The following SLIT2 variants were observed in gnomAD, a reference collection of about 807,000 sequenced individuals.
SLIT2 encodes slit homolog 2 protein.
A neutral mutation model predicts 185.7 loss-of-function variants in SLIT2; 41 were observed. The ratio of observed to expected loss-of-function variants is 0.22; its 90% CI spans 0.17 to 0.29. The LOEUF (loss-of-function observed/expected upper bound fraction) is 0.29. Ranked by LOEUF, SLIT2 falls within the 10% of genes least tolerant of loss-of-function variation. SLIT2 has a pLI of 1.00. For missense variants in SLIT2, 1,571 were observed against 1,909.0 expected (o/e 0.82, Z 3.30); for synonymous variants, 693 against 680.2 (o/e 1.02, Z -0.29).
chr4:20,472,385 T>TATCTCTATATATATA (rs1560453709), intron 5 of SLIT2, among the ~76,000 whole-genome samples: 9 of 39,262 alleles, frequency 2.3e-4, no homozygotes, highest in African/African-American at 2.8e-4. Flanking sequence ...TCTATATATA[T>TATCTCTATATATATA]GTAGATATAT....
chr4:20,383,870 T>A (rs558872089), intron 4 of SLIT2, among the ~76,000 whole-genome samples: 1 of 152,150 alleles, frequency 6.6e-6, no homozygotes, highest in South Asian at 2.1e-4. Context: ...GCCTGGCTAA[T>A]TTTTTTAGTA....
At position 20,382,399 on chromosome 4, in the gene SLIT2, C is replaced by G. The variant is rs575798554; in HGVS notation, c.396-85353C>G. ...CTTGAAAAAGAAGCAGTAGAGCCTTCTAACATGATCGTTTTTGTAGAAAAT... is the reference window on the plus strand; with the variant it reads ...CTTGAAAAAGAAGCAGTAGAGCCTTGTAACATGATCGTTTTTGTAGAAAAT... On this transcript the variant is annotated intron_variant, in intron 4 of 36. Coordinates refer to ENST00000504154, the MANE Select transcript of SLIT2 (RefSeq NM_004787.4). 5.7e-4 allele frequency among the ~76,000 whole-genome samples: 87 copies of G among 152,230 alleles called. No individual in the cohort carries two copies. The South Asian group carries it at 0.015, about 25-fold the overall frequency.
chr4:20,297,280 A>C (rs1716574553), intron 4 of SLIT2, among the ~76,000 whole-genome samples: 1 of 152,222 alleles, frequency 6.6e-6, no homozygotes, highest in Non-Finnish European at 1.5e-5. Context: ...TTCAAAATTA[A>C]TGGATTTGCC....
intron 9 of SLIT2, among the ~76,000 whole-genome samples, chr4:20,503,408 A>G (rs1168859308): frequency 2.0e-5 from 3 of 152,158 alleles, no homozygotes; most frequent in African/African-American, 7.2e-5. Flanking sequence ...AATTCATAGT[A>G]AGTGTCTAAA....
At chr4:20,568,380 A>G (rs913205961) in intron 28 of SLIT2, among the ~76,000 whole-genome samples, 1 of 152,072 alleles carries the variant, frequency 6.6e-6, no homozygotes, top group African/African-American at 2.4e-5. Flanking sequence ...ACATTTTGTA[A>G]TTGCAAGGAA....
chr4:20,491,045 T>C (rs1397363028), intron 8 of SLIT2, among the ~76,000 whole-genome samples: 1 of 152,214 alleles, frequency 6.6e-6, no homozygotes, highest in East Asian at 1.9e-4. Context: ...CTTTCAACCA[T>C]TAATGTCTCA....
At chr4:20,256,543 C>T in intron 1 of SLIT2, 129 bp from the exon 2 acceptor site, 1 of 532,104 alleles carries the variant, frequency 1.9e-6, no homozygotes, top group Non-Finnish European at 3.4e-6. Context: ...TCCTCTTCTC[C>T]TTCCTACATA....
chr4:20,542,536 C>T lies in SLIT2; in HGVS notation c.2186C>T (p.Thr729Ile). Residue 729 changes from threonine to isoleucine, a missense_variant, in exon 21 of 37, where the codon ACT (threonine) becomes ATT (isoleucine). Thr to Ile is a moderately conservative substitution (Grantham distance 89). Around this residue, in one of 3 missense-constraint regions of SLIT2, gnomAD observed 1,202 missense variants for 1,416.4 expected, o/e 0.85. Coordinates refer to ENST00000504154, the MANE Select transcript of SLIT2 (RefSeq NM_004787.4). ...NSCSPLSRCP[T>I]ECTCLDTVVR... ...TGCTCCCCACTTTCTCGCTGTCCTA[C>T]TGAATGTACTTGCTTGGATACAGTC... The T allele has an allele frequency of 6.2e-7, 1 of 1,613,752 alleles. No homozygotes were observed. The highest frequency in any genetic ancestry group is 8.5e-7 in the Non-Finnish European group (1 of 1,179,730).
rs1207691508 is a variant in SLIT2, at chr4:20,517,510, T to A, written c.1059-1872T>A. On this transcript the variant is annotated intron_variant, in intron 11 of 36. Transcript: ENST00000504154. ...TATCTTTTCTAATTCCCTTTCTACC[T>A]TGTTCTGGACAATATAGAATCCTCT... Among the ~76,000 whole-genome samples, 8 of 152,138 alleles carry A rather than the reference T, an allele frequency of 5.3e-5. No individual in the cohort carries two copies. The East Asian group carries it at 1.5e-3, about 29-fold the overall frequency.
chr4:20,417,436 G>A lies in SLIT2; in HGVS notation c.396-50316G>A, dbSNP rs199555878. ...CGCAATCATATATATATGTGTGTGT[G>A]TATATATATATATATATATATACGT... On this transcript the variant is annotated intron_variant, in intron 4 of 36. Coordinates refer to ENST00000504154, the MANE Select transcript of SLIT2 (RefSeq NM_004787.4). Among the ~76,000 whole-genome samples the A allele has an allele frequency of 3.2e-3, 401 of 123,666 alleles. 9 individuals are homozygous for A. Among genetic ancestry groups the A allele is most frequent in the African/African-American group, 0.011 (372 of 34,634 alleles). 81.1% of individuals were successfully genotyped at this position (123,666 alleles called of 152,430 possible).
At chr4:20,389,043 G>A (rs893810469) in intron 4 of SLIT2, among the ~76,000 whole-genome samples, 4 of 149,790 alleles carry the variant, frequency 2.7e-5, no homozygotes, top group Non-Finnish European at 5.9e-5. Flanking sequence ...GTTCACCATA[G>A]TTTATGCTTA....
chr4:20,294,901 A>G (rs558498279), intron 4 of SLIT2, among the ~76,000 whole-genome samples: 1 of 152,348 alleles, frequency 6.6e-6, no homozygotes, highest in Non-Finnish European at 1.5e-5. Flanking sequence ...TGAATGGTAT[A>G]TCACACGAAA....
intron 33 of SLIT2, among the ~76,000 whole-genome samples, chr4:20,602,107 C>T (rs2148967115): frequency 6.6e-6 from 1 of 152,226 alleles, no homozygotes; most frequent in South Asian, 2.1e-4. Flanking sequence ...TATATGTCAA[C>T]TATTGTTTCA....
chr4:20,415,192 A>G (rs1164224194), intron 4 of SLIT2, among the ~76,000 whole-genome samples: 1 of 152,166 alleles, frequency 6.6e-6, no homozygotes, highest in Non-Finnish European at 1.5e-5. Flanking sequence ...CGGGCGGATC[A>G]CGAGGTCAGG....
At chr4:20,325,757 T>C (rs1410734434) in intron 4 of SLIT2, among the ~76,000 whole-genome samples, 1 of 152,148 alleles carries the variant, frequency 6.6e-6, no homozygotes, top group East Asian at 1.9e-4. Context: ...TACTGTTTGG[T>C]ATCTTTCATA....
At chr4:20,531,915 G>T in intron 16 of SLIT2, 69 bp from the exon 17 acceptor site, 1 of 814,522 alleles carries the variant, frequency 1.2e-6, no homozygotes, top group South Asian at 1.7e-5. Context: ...AATTCATTTT[G>T]AGAAATCAAA....
intron 33 of SLIT2, among the ~76,000 whole-genome samples, chr4:20,600,727 T>C (rs1393838783): frequency 1.3e-5 from 2 of 152,060 alleles, no homozygotes; most frequent in South Asian, 2.1e-4. Context: ...GATCATCTAA[T>C]AGAGATACAA....
chr4:20,579,976 TTA>T (rs35738929), intron 29 of SLIT2, among the ~76,000 whole-genome samples: 2 of 144,944 alleles, frequency 1.4e-5, no homozygotes, highest in Non-Finnish European at 3.0e-5. Context: ...ATAATATATA[TTA>T]TATATATATT....
At chr4:20,369,315 G>A (rs1466904078) in intron 4 of SLIT2, among the ~76,000 whole-genome samples, 2 of 151,950 alleles carry the variant, frequency 1.3e-5, no homozygotes. Context: ...GCTCATACAT[G>A]CTGTTGAGGC....
Sources: allele counts gnomAD v4.1 joint callset (sites outside exome capture counted in the v4.1 genomes callset), GRCh38; gene constraint gnomAD v4.1.1; regional missense constraint gnomAD v4.1.1; transcripts MANE v1.5; gene names NCBI Gene and HGNC (gene_info 2026-07-23, HGNC 2026-07-21).